Variants in ARHGEF33 observed in about 807,000 individuals in gnomAD.
ARHGEF33 encodes Rho guanine nucleotide exchange factor 33, also known as DH and coiled-coil domain-containing protein ENSP00000381780.
Under a neutral mutation model 101.9 loss-of-function variants are expected in ARHGEF33, and 72 were observed. The ratio of observed to expected loss-of-function variants is 0.71; its 90% CI spans 0.58 to 0.86. ARHGEF33 has a LOEUF of 0.86. Ranked by LOEUF, ARHGEF33 falls within the 40% of genes least tolerant of loss-of-function variation. The probability of loss-of-function intolerance (pLI) is 0.00; values close to 1 mark genes in which losing one functional copy is unlikely to be tolerated. For missense variants in ARHGEF33, 1,169 were observed against 1,111.3 expected (o/e 1.05, Z -0.74); for synonymous variants, 499 against 442.5 (o/e 1.13, Z -1.60).
rs1194069009 is a variant in ARHGEF33, at chr2:38,937,507, C to T, written c.738C>T (p.Gly246=). ...KDHPDKLKEA[G]QGRHSSLENV... is the part of the protein sequence containing the mutation. Reference sequence around the variant, plus strand: ...ACCCAGATAAACTCAAGGAGGCTGGCCAGGGTAGACACAGCTCCTTGGAAA... The same window carrying T: ...ACCCAGATAAACTCAAGGAGGCTGGTCAGGGTAGACACAGCTCCTTGGAAA... The change falls in exon 9 of 18, where the codon GGC becomes GGT. Residue 246 remains glycine (G), a synonymous_variant. Coordinates refer to ENST00000409978, the MANE Select transcript of ARHGEF33 (RefSeq NM_001145451.5). The T allele has an allele frequency of 6.4e-7, 1 of 1,550,658 alleles. No individual in the cohort carries two copies. Among genetic ancestry groups the T allele is most frequent in the South Asian group, 1.2e-5 (1 of 84,018 alleles).
At chr2:38,963,526 T>TATC (rs966814269) in intron 16 of ARHGEF33, among the ~76,000 whole-genome samples, 1 of 152,194 alleles carries the variant, frequency 6.6e-6, no homozygotes, top group African/African-American at 2.4e-5. Flanking sequence ...TAAAACAACC[T>TATC]ATCTCACAGG....
intron 2 of ARHGEF33, among the ~76,000 whole-genome samples, chr2:38,911,888 A>G (rs1158178592): frequency 6.6e-6 from 1 of 152,102 alleles, no homozygotes; most frequent in Non-Finnish European, 1.5e-5. Context: ...ATAAAAAAAT[A>G]AAAAAAGGAA....
intron 2 of ARHGEF33, among the ~76,000 whole-genome samples, chr2:38,905,180 AG>A (rs1666363176): frequency 6.6e-6 from 1 of 152,074 alleles, no homozygotes; most frequent in African/African-American, 2.4e-5. Flanking sequence ...ACATTCATTT[AG>A]CCGAAAAAAA....
intron 2 of ARHGEF33, among the ~76,000 whole-genome samples, chr2:38,902,938 A>G (rs886090314): frequency 6.6e-6 from 1 of 152,184 alleles, no homozygotes; most frequent in African/African-American, 2.4e-5. Flanking sequence ...ATAAAGTGAC[A>G]TTCAAGCAGA....
In ARHGEF33 at chr2:38,972,749, G is replaced by A. The variant is rs562971942; in HGVS notation, c.2484-965G>A. ...CAAACCAATGATAGTACAAGGACTC[G>A]GAGGCCCTGGATCCTTCTTTGGTGG... On this transcript the variant is annotated intron_variant, in intron 17 of 17. Coordinates refer to ENST00000409978, the MANE Select transcript of ARHGEF33 (RefSeq NM_001145451.5). 1.2e-4 allele frequency among the ~76,000 whole-genome samples: 18 copies of A among 152,238 alleles called. No homozygotes were observed. In the South Asian group the frequency reaches 1.9e-3, roughly 16 times the overall value.
chr2:38,939,419 A>T (rs551796788), intron 9 of ARHGEF33, among the ~76,000 whole-genome samples: 8 of 152,282 alleles, frequency 5.3e-5, no homozygotes, highest in African/African-American at 1.9e-4. Context: ...CAGTTTTCTA[A>T]AGCAGTTGGC....
intron 16 of ARHGEF33, among the ~76,000 whole-genome samples, chr2:38,964,719 T>A (rs929696283): frequency 1.3e-5 from 2 of 152,022 alleles, no homozygotes; most frequent in Non-Finnish European, 1.5e-5. Context: ...ACCCCACTGC[T>A]CACCTTCTGC....
At chr2:38,897,043 G>A (rs1251162234) in intron 2 of ARHGEF33, among the ~76,000 whole-genome samples, 1 of 152,168 alleles carries the variant, frequency 6.6e-6, no homozygotes, top group Non-Finnish European at 1.5e-5. Flanking sequence ...AGCGTCCCGA[G>A]TAGCTGGGAC....
chr2:38,972,432 T>G (rs1015751956), intron 17 of ARHGEF33, among the ~76,000 whole-genome samples: 2 of 152,082 alleles, frequency 1.3e-5, no homozygotes, highest in South Asian at 2.1e-4. Context: ...AGTTGAGAGA[T>G]AGAGTAGTTT....
Position 38,935,795 on chromosome 2 carries a change from C to A in ARHGEF33, c.526C>A (p.His176Asn). 1 of 1,552,094 alleles carries A rather than the reference C, an allele frequency of 6.4e-7. No homozygotes were observed. The highest frequency in any genetic ancestry group is 8.7e-7 in the Non-Finnish European group (1 of 1,146,994). ...TGCAGCCCAAGAGTCCAGATCTGTT[C>A]ATGTAGGAGACAGTAATGTAAAAGG... The part of the protein sequence containing the change: ...YEKAQESRSV[H>N]VGDSNVKGMM... The change falls in exon 8 of 18, where the codon CAT (histidine) becomes AAT (asparagine). Residue 176 changes from histidine to asparagine, a missense_variant. Physicochemically the swap from His to Asn is moderately conservative, Grantham distance 68. Transcript: ENST00000409978.
chr2:38,942,692 C>A lies in ARHGEF33; in HGVS notation c.791-1209C>A, dbSNP rs114458236. On this transcript the variant is annotated intron_variant, in intron 9 of 17. Coordinates refer to ENST00000409978, the MANE Select transcript of ARHGEF33 (RefSeq NM_001145451.5). ...AAAATTTTTATTCTTTTGTATCCTG[C>A]ATTGTCTCTGTTTCTTCAGGGTCCC... 5.0e-3 allele frequency among the ~76,000 whole-genome samples: 759 copies of A among 152,154 alleles called. 8 individuals carry two copies. The highest frequency in any genetic ancestry group is 0.017 in the African/African-American group (711 of 41,512).
rs1224204486 is a variant in ARHGEF33 at position 38,919,446 on chromosome 2, C to G, written c.-2C>G. On this transcript the variant is annotated 5_prime_UTR_variant, in exon 3 of 18. Coordinates refer to ENST00000409978, the MANE Select transcript of ARHGEF33 (RefSeq NM_001145451.5). Reference sequence around the variant, plus strand: ...AGCTGGAGAAGAGAAGTAACCGGCACTATGGAAAAAACCAAAACAAAGCAA... The same window carrying G: ...AGCTGGAGAAGAGAAGTAACCGGCAGTATGGAAAAAACCAAAACAAAGCAA... 1.3e-6 allele frequency: 2 copies of G among 1,551,878 alleles called. No individual in the cohort carries two copies. The highest frequency in any genetic ancestry group is 1.7e-6 in the Non-Finnish European group (2 of 1,146,956).
intron 6 of ARHGEF33, 103 bp downstream of exon 6, chr2:38,929,933 C>G: frequency 1.0e-6 from 1 of 954,958 alleles, no homozygotes; most frequent in Non-Finnish European, 1.5e-6. Flanking sequence ...GCTAGCTGGC[C>G]ACTGTGCTCC....
intron 2 of ARHGEF33, among the ~76,000 whole-genome samples, chr2:38,915,074 ACTC>A (rs1399170804): frequency 6.6e-6 from 1 of 151,874 alleles, no homozygotes; most frequent in African/African-American, 2.4e-5. Context: ...GTGATCTTGA[ACTC>A]CTGGCCTCAA....
intron 4 of ARHGEF33, among the ~76,000 whole-genome samples, chr2:38,922,865 A>G (rs1468155846): frequency 6.6e-6 from 1 of 152,154 alleles, no homozygotes; most frequent in Non-Finnish European, 1.5e-5. Flanking sequence ...GGTATAGGTA[A>G]GGTTGTTGTG....
chr2:38,905,755 G>A (rs1024532250), intron 2 of ARHGEF33, among the ~76,000 whole-genome samples: 3 of 152,208 alleles, frequency 2.0e-5, no homozygotes, highest in African/African-American at 7.2e-5. Flanking sequence ...TTAAAGGCAG[G>A]AAATGGTGTG....
chr2:38,966,289 G>A (rs116007935), intron 17 of ARHGEF33, 144 bp downstream of exon 17: 23,892 of 1,119,870 alleles, frequency 0.021, 328 homozygotes, highest in Middle Eastern at 0.047. Flanking sequence ...CCACAGTTCC[G>A]GCGGGGTGAA....
At chr2:38,964,888 C>T (rs1230896943) in intron 16 of ARHGEF33, among the ~76,000 whole-genome samples, 2 of 152,158 alleles carry the variant, frequency 1.3e-5, no homozygotes, top group East Asian at 3.8e-4. Context: ...CAAGAAGCTA[C>T]ATTTTAAATA....
intron 16 of ARHGEF33, among the ~76,000 whole-genome samples, chr2:38,962,672 T>G (rs936432346): frequency 6.6e-6 from 1 of 151,990 alleles, no homozygotes; most frequent in African/African-American, 2.4e-5. Flanking sequence ...AAAGTTCCCA[T>G]TACTTATTTC....
Sources: gnomAD v4.1 joint callset for allele counts (sites outside exome capture counted in the v4.1 genomes callset) on GRCh38, gnomAD v4.1.1 for gene constraint, MANE v1.5 for transcripts, NCBI Gene and HGNC (gene_info 2026-07-23, HGNC 2026-07-21) for gene names.